Variants in PPA2 observed in about 807,000 individuals in gnomAD.
The protein encoded by PPA2 is inorganic pyrophosphatase 2, also known as inorganic pyrophosphatase 2, mitochondrial.
In PPA2, 48 loss-of-function variants were observed where a neutral mutation model predicts 49.5. The ratio of observed to expected loss-of-function variants is 0.97; its 90% CI spans 0.77 to 1.23. PPA2 has a LOEUF of 1.23. Ranked by LOEUF, PPA2 falls within the 50% of genes most tolerant of loss-of-function variation. The pLI is 0.00. For missense variants in PPA2, 429 were observed against 410.1 expected (o/e 1.05, Z -0.40); for synonymous variants, 131 against 139.9 (o/e 0.94, Z 0.45).
intron 10 of PPA2, among the ~76,000 whole-genome samples, chr4:105,376,040 T>C (rs1388607794): frequency 2.6e-5 from 4 of 152,234 alleles, no homozygotes; most frequent in Admixed American, 1.3e-4. Context: ...TTAAGTGCTA[T>C]TATTCCAAAT....
chr4:105,370,889 G>T lies in PPA2; in HGVS notation c.940-16C>A. The T allele has an allele frequency of 6.8e-7, 1 of 1,467,660 alleles. No individual in the cohort carries two copies. The highest frequency in any genetic ancestry group is 2.3e-5 in the Admixed American group (1 of 44,032). The allele number at this position is 1,467,660 out of a possible 1,614,324, so 90.9% of individuals were successfully genotyped here. A position where few individuals can be genotyped will look rare whatever the true frequency, so the allele number is the denominator to read the frequency against. On this transcript the variant is annotated splice_polypyrimidine_tract_variant and intron_variant, in intron 10 of 11. Coordinates refer to ENST00000341695, the MANE Select transcript of PPA2 (RefSeq NM_176869.3). ...AAGATGATACCTGGAAATAAAAACA[G>T]AGAAAGAATCTCTGTTACAATAAAT... is the stretch of plus-strand genomic sequence containing the variant.
At chr4:105,426,605 C>T (rs1723524079) in intron 6 of PPA2, among the ~76,000 whole-genome samples, 2 of 152,226 alleles carry the variant, frequency 1.3e-5, no homozygotes, top group African/African-American at 4.8e-5. Flanking sequence ...CTGAGATCAA[C>T]CTGGGATGTG....
intron 6 of PPA2, among the ~76,000 whole-genome samples, chr4:105,429,979 G>T (rs1240764729): frequency 1.3e-5 from 2 of 152,178 alleles, no homozygotes; most frequent in Admixed American, 6.5e-5. Context: ...TTTCAGTGAG[G>T]TTCCCTCAAG....
chr4:105,379,470 T>A (rs1358040830), intron 10 of PPA2, among the ~76,000 whole-genome samples: 1 of 150,042 alleles, frequency 6.7e-6, no homozygotes. Flanking sequence ...GATAGATATC[T>A]CAAGCAACTA....
chr4:105,461,382 A>T (rs1226607482), intron 1 of PPA2, among the ~76,000 whole-genome samples: 1 of 152,196 alleles, frequency 6.6e-6, no homozygotes, highest in East Asian at 1.9e-4. Flanking sequence ...TTCTCCATAG[A>T]TTCGCCAGAA....
chr4:105,428,065 A>G (rs1480854600), intron 6 of PPA2, among the ~76,000 whole-genome samples: 1 of 152,174 alleles, frequency 6.6e-6, no homozygotes, highest in Non-Finnish European at 1.5e-5. Flanking sequence ...AAAGAAAAGA[A>G]TTTTCAACCC....
At chr4:105,421,360 G>A (rs1016308004) in intron 7 of PPA2, among the ~76,000 whole-genome samples, 2 of 152,018 alleles carry the variant, frequency 1.3e-5, no homozygotes, top group African/African-American at 2.4e-5. Context: ...AAGATGAGGT[G>A]GGAGGTAGGA....
chr4:105,468,071 A>G (rs1007137122), intron 1 of PPA2, among the ~76,000 whole-genome samples: 4 of 152,258 alleles, frequency 2.6e-5, no homozygotes, highest in African/African-American at 7.2e-5. Context: ...AATCTGTCAC[A>G]TGGCCTGGTT....
At position 105,473,542 on chromosome 4, in the gene PPA2, G is replaced by C. The variant is rs1158877044; in HGVS notation, c.157+352C>G. 5 of 511,642 alleles carry C rather than the reference G, an allele frequency of 9.8e-6. 1 individual carries two copies. The highest frequency in any genetic ancestry group is 4.7e-5 in the South Asian group (3 of 63,590). The allele number at this position is 511,642 out of a possible 1,614,324, so 31.7% of individuals were successfully genotyped here. On this transcript the variant is annotated intron_variant, in intron 1 of 11. Coordinates refer to ENST00000341695, the MANE Select transcript of PPA2 (RefSeq NM_176869.3). ...TCACTGAGTTGTGTGAACCGGGAAC[G>C]GCGGCCGGGCCGGCTAATGGCTGCA...
chr4:105,403,212 C>A (rs572028466), intron 7 of PPA2, among the ~76,000 whole-genome samples: 1 of 151,900 alleles, frequency 6.6e-6, no homozygotes, highest in Admixed American at 6.6e-5. Flanking sequence ...TGTTTGTTTT[C>A]CAGTAGAATT....
At chr4:105,449,318 T>G in intron 4 of PPA2, 32 bp downstream of exon 4, 1 of 1,383,218 alleles carries the variant, frequency 7.2e-7, no homozygotes, top group Non-Finnish European at 1.0e-6. Context: ...TTATAATCAT[T>G]TCGGTTTCAT....
chr4:105,405,838 C>T, intron 7 of PPA2: 1 of 460,898 alleles, frequency 2.2e-6, no homozygotes, highest in Non-Finnish European at 4.3e-6. Context: ...TCCAGGGGCA[C>T]ACAGGAATCC....
intron 9 of PPA2, among the ~76,000 whole-genome samples, chr4:105,388,329 C>T (rs562431714): frequency 4.6e-5 from 7 of 151,838 alleles, no homozygotes; most frequent in African/African-American, 1.7e-4. Flanking sequence ...ACTCTTACAA[C>T]AAAATGAAAC....
chr4:105,402,731 G>T (rs755429092), intron 7 of PPA2, among the ~76,000 whole-genome samples: 1 of 152,098 alleles, frequency 6.6e-6, no homozygotes, highest in Non-Finnish European at 1.5e-5. Flanking sequence ...GTAAAGAAAA[G>T]ACTACATAGA....
intron 6 of PPA2, among the ~76,000 whole-genome samples, chr4:105,431,237 A>G (rs115885202): frequency 0.012 from 1,833 of 152,334 alleles, 27 homozygotes; most frequent in African/African-American, 0.04. Flanking sequence ...ACAGTTTATT[A>G]TATGTCAATT....
At chr4:105,387,092 T>C (rs1215197967) in intron 9 of PPA2, among the ~76,000 whole-genome samples, 1 of 152,188 alleles carries the variant, frequency 6.6e-6, no homozygotes, top group African/African-American at 2.4e-5. Flanking sequence ...GGAAACTATA[T>C]GAATGTAAAG....
In PPA2 at chr4:105,396,272, C is replaced by G. The variant is rs13787; in HGVS notation, c.846G>C (p.Lys282Asn). The stretch of plus-strand genomic sequence containing the variant: ...ACCAATTTATAGCTCCTCCATTACA[C>G]TTCTTCATAAGCAATGCTTTCCAAC... The part of the protein sequence containing the change: ...HQCWKALLMK[K>N]CNGGAINCTN... Residue 282 changes from lysine (K) to asparagine (N), a missense_variant, in exon 9 of 12, where the codon AAG (lysine) becomes AAC (asparagine). Lys to Asn is a moderately conservative substitution (Grantham distance 94). Coordinates refer to ENST00000341695, the MANE Select transcript of PPA2 (RefSeq NM_176869.3). 0.45 allele frequency: 713,160 copies of G among 1,585,366 alleles called. 167,646 individuals are homozygous for G. Among genetic ancestry groups the G allele is most frequent in the East Asian group, 0.7 (30,803 of 43,710 alleles).
chr4:105,459,593 A>C (rs915813072), intron 1 of PPA2, among the ~76,000 whole-genome samples: 1 of 152,246 alleles, frequency 6.6e-6, no homozygotes, highest in Non-Finnish European at 1.5e-5. Flanking sequence ...AAACATGTTC[A>C]CCCAAAAATC....
At chr4:105,467,675 A>G (rs1360788538) in intron 1 of PPA2, among the ~76,000 whole-genome samples, 1 of 46,494 alleles carries the variant, frequency 2.2e-5, no homozygotes, top group Non-Finnish European at 5.4e-5. Flanking sequence ...GATGATGGTG[A>G]AACAGAAAGT....
Sources: gnomAD v4.1 joint callset for allele counts (sites outside exome capture counted in the v4.1 genomes callset) on GRCh38, gnomAD v4.1.1 for gene constraint, MANE v1.5 for transcripts, NCBI Gene and HGNC (gene_info 2026-07-23, HGNC 2026-07-21) for gene names.